The following SYT13 variants were observed in gnomAD, a reference collection of about 807,000 sequenced individuals.
The protein encoded by SYT13 is synaptotagmin 13.
A neutral mutation model predicts 38.6 loss-of-function variants in SYT13; 21 were observed. The ratio of observed to expected loss-of-function variants is 0.54; its 90% CI spans 0.39 to 0.78. The LOEUF (loss-of-function observed/expected upper bound fraction) is 0.78. SYT13 is among the 30% of genes least tolerant of loss of function. The probability of loss-of-function intolerance (pLI) is 0.00; values close to 1 mark genes in which losing one functional copy is unlikely to be tolerated. For synonymous variants in SYT13, 241 were observed against 237.6 expected (o/e 1.01, Z -0.13); for missense variants, 495 against 548.7 (o/e 0.90, Z 0.98).
chr11:45,254,461 T>A, intron 2 of SYT13, 57 bp from the exon 3 acceptor site: 1 of 1,577,260 alleles, frequency 6.3e-7, no homozygotes. Context: ...GCTTTCCTGA[T>A]TACACCTTTC....
chr11:45,259,353 A>T (rs1366552085), intron 1 of SYT13, among the ~76,000 whole-genome samples: 1 of 152,170 alleles, frequency 6.6e-6, no homozygotes, highest in African/African-American at 2.4e-5. Context: ...GCTGGGCTTC[A>T]TTCCCAGTTT....
Position 45,255,744 on chromosome 11 carries a change from G to A in SYT13, c.331C>T (p.Pro111Ser), listed in dbSNP as rs1260336132. The stretch of plus-strand genomic sequence containing the variant: ...TCATTCGGGGGTTGGGGGCTGGCAG[G>A]TGCAGTGGGCTCCTCCGTAGACCTC... ...SLRSTEEPTAPASPQPPNDSR... is the reference protein window; with the variant it reads ...SLRSTEEPTASASPQPPNDSR... The change falls in exon 2 of 6, where the codon CCT (proline) becomes TCT (serine). Residue 111 changes from proline to serine, a missense_variant. By Grantham distance (74) the Pro-to-Ser change is moderately conservative. Coordinates refer to ENST00000020926, the MANE Select transcript of SYT13 (RefSeq NM_020826.3). 1.2e-6 allele frequency: 2 copies of A among 1,614,172 alleles called. No individual in the cohort carries two copies. Among genetic ancestry groups the A allele is most frequent in the Non-Finnish European group, 1.7e-6 (2 of 1,180,016 alleles).
chr11:45,267,570 G>A (rs796177387), intron 1 of SYT13, among the ~76,000 whole-genome samples: 135 of 152,226 alleles, frequency 8.9e-4, no homozygotes, highest in African/African-American at 3.3e-3. Flanking sequence ...TAGGGTAGAG[G>A]TAGACACCCC....
intron 1 of SYT13, among the ~76,000 whole-genome samples, chr11:45,281,618 G>A (rs564460368): frequency 1.4e-3 from 207 of 149,298 alleles, no homozygotes; most frequent in Non-Finnish European, 2.2e-3. Flanking sequence ...AGTGAGCCGA[G>A]ATCATGCCAC....
rs1855136465 is a variant in SYT13 at position 45,286,318 on chromosome 11, C to G, written c.-111G>C. 1 of 1,291,524 alleles carries G rather than the reference C, an allele frequency of 7.7e-7. No individual in the cohort carries two copies. Among genetic ancestry groups the G allele is most frequent in the South Asian group, 1.6e-5 (1 of 63,772 alleles). The allele number at this position is 1,291,524 out of a possible 1,614,324, so 80.0% of individuals were successfully genotyped here. ...GGGCGAGCCAGCAGCTCTCCCGCCG[C>G]CAGAGGGGCGGGGACGGAGGGAGGG... On this transcript the variant is annotated 5_prime_UTR_variant, in exon 1 of 6. Coordinates refer to ENST00000020926, the MANE Select transcript of SYT13 (RefSeq NM_020826.3).
intron 1 of SYT13, among the ~76,000 whole-genome samples, chr11:45,258,149 G>C (rs569550509): frequency 6.6e-6 from 1 of 152,284 alleles, no homozygotes; most frequent in Non-Finnish European, 1.5e-5. Flanking sequence ...AGTAAGCCTA[G>C]ATCAGCCTGG....
intron 1 of SYT13, among the ~76,000 whole-genome samples, chr11:45,275,316 TA>T (rs1169105058): frequency 1.3e-5 from 2 of 152,214 alleles, no homozygotes; most frequent in Non-Finnish European, 2.9e-5. Flanking sequence ...CAAAATATTC[TA>T]GGGTCTATGC....
At chr11:45,280,970 G>T (rs780490605) in intron 1 of SYT13, among the ~76,000 whole-genome samples, 1 of 152,168 alleles carries the variant, frequency 6.6e-6, no homozygotes, top group African/African-American at 2.4e-5. Context: ...CGAGATGGGC[G>T]GATCACCTGA....
chr11:45,285,840 C>T, intron 1 of SYT13, 185 bp downstream of exon 1: 1 of 665,044 alleles, frequency 1.5e-6, no homozygotes. Flanking sequence ...TCCCCCATCC[C>T]CTAGCCTCCC....
Position 45,252,525 on chromosome 11 carries a change from G to A in SYT13, c.742C>T (p.Arg248Cys), listed in dbSNP as rs745323746. ...TLTLTLRTCD[R>C]FSRHSVAGEL... is the part of the protein sequence containing the mutation. Reference sequence around the variant, plus strand: ...CCGGCCACGCTGTGACGGGAGAAGCGGTCGCAGGTCCTCAAGGTCAGCGTC... The same window carrying A: ...CCGGCCACGCTGTGACGGGAGAAGCAGTCGCAGGTCCTCAAGGTCAGCGTC... Residue 248 changes from arginine (R) to cysteine (C), a missense_variant, in exon 4 of 6, where the codon CGC becomes TGC. Arg to Cys is a radical substitution (Grantham distance 180). Coordinates refer to ENST00000020926, the MANE Select transcript of SYT13 (RefSeq NM_020826.3). This position sits in a 1 kb window ranked among gnomAD's most constrained non-coding sequence, Gnocchi z 4.3. 11 of 1,614,048 alleles carry A rather than the reference G, an allele frequency of 6.8e-6. No homozygotes were observed. Among genetic ancestry groups the A allele is most frequent in the Admixed American group, 3.3e-5 (2 of 60,018 alleles).
At chr11:45,266,469 G>A (rs932644863) in intron 1 of SYT13, among the ~76,000 whole-genome samples, 4 of 150,746 alleles carry the variant, frequency 2.7e-5, no homozygotes, top group Non-Finnish European at 5.9e-5. Flanking sequence ...TGACTTCTAG[G>A]TCTGGTACCA....
chr11:45,273,714 T>C (rs1854977180), intron 1 of SYT13, among the ~76,000 whole-genome samples: 1 of 152,256 alleles, frequency 6.6e-6, no homozygotes, highest in East Asian at 1.9e-4. Context: ...ATAGCAGGTA[T>C]GCAAGACATA....
intron 4 of SYT13, among the ~76,000 whole-genome samples, chr11:45,247,863 C>A (rs1854631908): frequency 6.6e-6 from 1 of 152,178 alleles, no homozygotes; most frequent in Admixed American, 6.5e-5. Flanking sequence ...TAACATCGGG[C>A]AGCATTAAAT....
chr11:45,248,995 C>T (rs1235563617), intron 4 of SYT13, among the ~76,000 whole-genome samples: 1 of 152,116 alleles, frequency 6.6e-6, no homozygotes, highest in African/African-American at 2.4e-5. Context: ...GTGAACCATG[C>T]AAGACTACCC....
At position 45,250,536 on chromosome 11, in the gene SYT13, G is replaced by A. The variant is rs954845028; in HGVS notation, c.846+1885C>T. Among the ~76,000 whole-genome samples, 4 of 152,308 alleles carry A rather than the reference G, an allele frequency of 2.6e-5. No homozygotes were observed. The South Asian group carries it at 8.3e-4, about 32-fold the overall frequency. On this transcript the variant is annotated intron_variant, in intron 4 of 5. Transcript: ENST00000020926. ...TGTACCAAGTCTCAGAGCCCAGCAG[G>A]GGAGTCTCTGCATCTCGAGAGAAAG... is the stretch of plus-strand genomic sequence containing the variant.
rs761765824 is a variant in SYT13 at position 45,252,554 on chromosome 11, G to T, written c.713C>A (p.Thr238Asn). 6.2e-7 allele frequency: 1 copy of T among 1,614,144 alleles called. No homozygotes were observed. The highest frequency in any genetic ancestry group is 8.5e-7 in the Non-Finnish European group (1 of 1,180,040). ...GCAGGTCCTCAAGGTCAGCGTCAGG[G>T]TGGCTGTGGGGAGCTCCTCCTCCGC... Reference protein sequence around the residue: ...PLAEEELPTATLTLTLRTCDR... With the variant: ...PLAEEELPTANLTLTLRTCDR... The change falls in exon 4 of 6, where the codon ACC becomes AAC. Residue 238 changes from threonine to asparagine, a missense_variant. Transcript: ENST00000020926. This position sits in a 1 kb window ranked among gnomAD's most constrained non-coding sequence, Gnocchi z 4.3.
chr11:45,280,662 C>T (rs949176369), intron 1 of SYT13, among the ~76,000 whole-genome samples: 5 of 152,170 alleles, frequency 3.3e-5, no homozygotes, highest in African/African-American at 9.7e-5. Context: ...TTTCCTGTCC[C>T]CCAGGGTAAC....
chr11:45,261,801 A>G (rs560589437), intron 1 of SYT13, among the ~76,000 whole-genome samples: 2 of 151,756 alleles, frequency 1.3e-5, no homozygotes, highest in South Asian at 4.2e-4. Flanking sequence ...CCTGTATCAC[A>G]GCTACTTGGG....
chr11:45,284,751 C>A (rs1235763108), intron 1 of SYT13, among the ~76,000 whole-genome samples: 2 of 152,184 alleles, frequency 1.3e-5, no homozygotes, highest in Non-Finnish European at 2.9e-5. Context: ...CGGCCGACCA[C>A]GACTTGTGGA....
Sources: gnomAD v4.1 joint callset for allele counts (sites outside exome capture counted in the v4.1 genomes callset) on GRCh38, gnomAD v4.1.1 for gene constraint, Gnocchi (gnomAD v3.1) non-coding constraint, MANE v1.5 for transcripts, NCBI Gene and HGNC (gene_info 2026-07-23, HGNC 2026-07-21) for gene names.